The following LRRK1 variants were observed in gnomAD, a reference collection of about 807,000 sequenced individuals.
The protein encoded by LRRK1 is leucine-rich repeat serine/threonine-protein kinase 1.
In LRRK1, 113 loss-of-function variants were observed where a neutral mutation model predicts 209.1. That is an observed-to-expected ratio of 0.54 (90% confidence interval 0.46 to 0.63). The LOEUF (loss-of-function observed/expected upper bound fraction) is 0.63, where lower values mean the gene tolerates loss of function less well. LRRK1 is among the 30% of genes least tolerant of loss of function. The pLI is 0.00. For synonymous variants in LRRK1, 1,144 were observed against 1,099.7 expected, an observed-to-expected ratio of 1.04 and a Z score of -0.80; for missense variants, 2,284 against 2,632.2, an observed-to-expected ratio of 0.87 and a Z score of 2.89.
At chr15:101,051,064 G>A (rs1461001885) in intron 23 of LRRK1, among the ~76,000 whole-genome samples, 2 of 152,148 alleles carry the variant, frequency 1.3e-5, no homozygotes, top group African/African-American at 2.4e-5. Flanking sequence ...CCCTCCCAAC[G>A]GGATGCCTTA....
intron 20 of LRRK1, among the ~76,000 whole-genome samples, chr15:101,031,892 G>A (rs772200624): frequency 2.0e-5 from 3 of 152,056 alleles, no homozygotes; most frequent in South Asian, 2.1e-4. Context: ...CCACCACCGC[G>A]CCTGGCTAAT....
rs747368593 is a variant in LRRK1 at position 101,062,574 on chromosome 15, G to C, written c.4798G>C (p.Asp1600His). The part of the protein sequence containing the change: ...VQRSLWTATE[D>H]QKIYIYTLKG... ...ACAGTGGACCTGTCTGCCTCTGCAGGACCAGAAAATCTACATCTACACCCT... is the reference window on the plus strand; with the variant it reads ...ACAGTGGACCTGTCTGCCTCTGCAGCACCAGAAAATCTACATCTACACCCT... The change falls in exon 31 of 34, where the codon GAC (aspartate) becomes CAC (histidine). Residue 1600 changes from aspartate to histidine, a missense_variant and splice_region_variant. Around this residue, in one of 6 missense-constraint regions of LRRK1, gnomAD observed 643 missense variants for 695.9 expected, o/e 0.92. Transcript: ENST00000388948. 6.2e-7 allele frequency: 1 copy of C among 1,607,844 alleles called. No individual in the cohort carries two copies. Among genetic ancestry groups the C allele is most frequent in the Non-Finnish European group, 8.5e-7 (1 of 1,174,358 alleles).
intron 30 of LRRK1, 70 bp downstream of exon 30, chr15:101,061,358 C>A: frequency 1.8e-6 from 2 of 1,095,830 alleles, no homozygotes; most frequent in East Asian, 2.4e-5. Flanking sequence ...GGGTGGGGGC[C>A]ACATTCATAA....
At chr15:101,060,304 T>C (rs1365499268) in intron 29 of LRRK1, among the ~76,000 whole-genome samples, 1 of 152,156 alleles carries the variant, frequency 6.6e-6, no homozygotes, top group African/African-American at 2.4e-5. Context: ...CAGGGGCAAT[T>C]ATTCTTTATG....
chr15:100,987,413 G>A (rs576210607), intron 4 of LRRK1, among the ~76,000 whole-genome samples: 2 of 152,262 alleles, frequency 1.3e-5, no homozygotes, highest in African/African-American at 4.8e-5. Context: ...TGAACTTGAA[G>A]ATATTGTAAC....
At chr15:101,018,478 C>T (rs374535570) in intron 12 of LRRK1, among the ~76,000 whole-genome samples, 11 of 150,794 alleles carry the variant, frequency 7.3e-5, no homozygotes, top group South Asian at 2.1e-4. Context: ...GTGTAGACCT[C>T]GGTCACGCAA....
chr15:100,943,648 C>T (rs1269618112), intron 2 of LRRK1, among the ~76,000 whole-genome samples: 2 of 149,754 alleles, frequency 1.3e-5, no homozygotes, highest in Non-Finnish European at 3.0e-5. Flanking sequence ...AAGTTTAGTT[C>T]CTCCTCAGTT....
intron 2 of LRRK1, among the ~76,000 whole-genome samples, chr15:100,933,934 T>C (rs374011960): frequency 1.3e-5 from 2 of 151,132 alleles, no homozygotes; most frequent in East Asian, 2.0e-4. Context: ...AACTCTTTCC[T>C]GTTCTTGGTT....
At position 101,010,552 on chromosome 15, in the gene LRRK1, A is replaced by G. The variant is rs754946301; in HGVS notation, c.1092A>G (p.Leu364=). 5 of 1,612,536 alleles carry G rather than the reference A, an allele frequency of 3.1e-6. No individual in the cohort carries two copies. The East Asian group carries it at 1.1e-4, about 36-fold the overall frequency. The part of the protein sequence containing the change: ...LQKLTASKNC[L]EKLFEEENAT... ...AACTGACAGCTTCAAAAAATTGTTT[A>G]GAAAAATTGTTCGAAGAAGAAAATG... The change falls in exon 8 of 34, where the codon TTA becomes TTG. Residue 364 remains leucine, a synonymous_variant. Coordinates refer to ENST00000388948, the MANE Select transcript of LRRK1 (RefSeq NM_024652.6).
intron 2 of LRRK1, among the ~76,000 whole-genome samples, chr15:100,972,363 A>AGAGTGTGTGTGT (rs1176201849): frequency 8.7e-4 from 86 of 98,490 alleles, no homozygotes; most frequent in African/African-American, 4.0e-3. Flanking sequence ...AGAGAGAGAG[A>AGAGTGTGTGTGT]GTGTGTGTGT....
chr15:101,007,744 T>C (rs753262488), intron 6 of LRRK1, among the ~76,000 whole-genome samples: 2 of 152,106 alleles, frequency 1.3e-5, no homozygotes, highest in Non-Finnish European at 2.9e-5. Flanking sequence ...AAGTTGGCTC[T>C]CTCGGGTTGG....
chr15:101,020,242 C>CAGGTGTGG (rs2033714459), intron 12 of LRRK1, among the ~76,000 whole-genome samples: 1 of 152,112 alleles, frequency 6.6e-6, no homozygotes, highest in Non-Finnish European at 1.5e-5. Context: ...ACTGTAACCT[C>CAGGTGTGG]TGTGCATACA....
chr15:100,966,862 C>A (rs1168315055), intron 2 of LRRK1, among the ~76,000 whole-genome samples: 1 of 152,186 alleles, frequency 6.6e-6, no homozygotes, highest in African/African-American at 2.4e-5. Context: ...AGTTAAATCA[C>A]CCTTGTAATC....
intron 2 of LRRK1, among the ~76,000 whole-genome samples, chr15:100,950,326 G>A (rs1347683327): frequency 6.6e-6 from 1 of 152,180 alleles, no homozygotes; most frequent in African/African-American, 2.4e-5. Flanking sequence ...GCAAAACATT[G>A]TGGAAAGAAG....
intron 9 of LRRK1, among the ~76,000 whole-genome samples, chr15:101,011,136 A>C (rs1204095097): frequency 6.6e-6 from 1 of 152,030 alleles, no homozygotes; most frequent in Non-Finnish European, 1.5e-5. Context: ...TGCCTGAAAA[A>C]AGGAGGGTTC....
intron 20 of LRRK1, among the ~76,000 whole-genome samples, chr15:101,031,644 G>A (rs146613620): frequency 2.0e-5 from 3 of 152,070 alleles, no homozygotes; most frequent in Non-Finnish European, 2.9e-5. Flanking sequence ...CTGGATAATA[G>A]AGTGTAAGTT....
intron 20 of LRRK1, among the ~76,000 whole-genome samples, 159 bp from the exon 21 acceptor site, chr15:101,045,822 T>C (rs1478074340): frequency 1.3e-5 from 2 of 152,214 alleles, no homozygotes; most frequent in Non-Finnish European, 2.9e-5. Flanking sequence ...CACGCTTCTC[T>C]TACTAATAAC....
In LRRK1 at chr15:101,074,269, C is replaced by T. The variant is rs1353528406; in HGVS notation, c.*5421C>T. On this transcript the variant is annotated 3_prime_UTR_variant, in exon 34 of 34. Coordinates refer to ENST00000388948, the MANE Select transcript of LRRK1 (RefSeq NM_024652.6). Reference sequence around the variant, plus strand: ...AATTCTTCCTCAGCCTCCGCTCCTCCACCATATAATCTTTTTATCACCTCC... The same window carrying T: ...AATTCTTCCTCAGCCTCCGCTCCTCTACCATATAATCTTTTTATCACCTCC... The T allele has an allele frequency of 1.3e-5, 2 of 152,282 alleles. No individual in the cohort carries two copies. The highest frequency in any genetic ancestry group is 2.4e-5 in the African/African-American group (1 of 41,536). 9.4% of individuals were successfully genotyped at this position (152,282 alleles called of 1,614,324 possible).
In LRRK1 at chr15:101,009,721, G is replaced by A. The variant is rs1229898901; in HGVS notation, c.989+658G>A. 3.3e-5 allele frequency among the ~76,000 whole-genome samples: 5 copies of A among 152,174 alleles called. No individual in the cohort carries two copies. In the East Asian group the frequency reaches 9.6e-4, roughly 29 times the overall value. The stretch of plus-strand genomic sequence containing the variant: ...TCCTGTCTCAGCCTCCCGAGTAACT[G>A]GGATTACAGGCACATGCCACCACAC... On this transcript the variant is annotated intron_variant, in intron 7 of 33. Coordinates refer to ENST00000388948, the MANE Select transcript of LRRK1 (RefSeq NM_024652.6).
Sources: allele counts gnomAD v4.1 joint callset (sites outside exome capture counted in the v4.1 genomes callset), GRCh38; gene constraint gnomAD v4.1.1; regional missense constraint gnomAD v4.1.1; transcripts MANE v1.5; gene names NCBI Gene and HGNC (gene_info 2026-07-23, HGNC 2026-07-21).